Variants in LARS2 observed in about 807,000 individuals in gnomAD.
LARS2 encodes leucyl-tRNA synthetase 2, mitochondrial, also known as leucine--tRNA ligase, mitochondrial.
LARS2 carries 81 observed loss-of-function variants against 116.6 expected under a neutral mutation model. The ratio of observed to expected loss-of-function variants is 0.69; its 90% CI spans 0.58 to 0.84. The LOEUF is 0.84. Among genes scored for constraint, LARS2 ranks in the 40% least tolerant of loss-of-function variants. LARS2 has a pLI of 0.00. For missense variants in LARS2, 968 were observed against 1,114.5 expected, an observed-to-expected ratio of 0.87 and a Z score of 1.87; for synonymous variants, 396 against 407.2, an observed-to-expected ratio of 0.97 and a Z score of 0.33.
At chr3:45,490,029 T>C (rs1699887087) in intron 12 of LARS2, among the ~76,000 whole-genome samples, 1 of 152,204 alleles carries the variant, frequency 6.6e-6, no homozygotes, top group South Asian at 2.1e-4. Context: ...TATTTATATC[T>C]ATAGAATAAA....
At chr3:45,417,598 A>G in intron 5 of LARS2, 25 bp downstream of exon 5, 2 of 1,554,596 alleles carry the variant, frequency 1.3e-6, no homozygotes, top group African/African-American at 1.4e-5. Flanking sequence ...GCATATTCAA[A>G]TACTTGCATA....
intron 8 of LARS2, among the ~76,000 whole-genome samples, chr3:45,472,442 G>T (rs1197395789): frequency 6.6e-6 from 1 of 152,136 alleles, no homozygotes; most frequent in East Asian, 1.9e-4. Flanking sequence ...TGAGTGATAT[G>T]GGGCAGATTG....
intron 6 of LARS2, among the ~76,000 whole-genome samples, chr3:45,440,450 A>G (rs925858955): frequency 6.6e-6 from 1 of 151,938 alleles, no homozygotes; most frequent in Non-Finnish European, 1.5e-5. Flanking sequence ...GGAGGCTCAC[A>G]ATGAGACTTG....
chr3:45,469,641 G>A (rs1470395083), intron 8 of LARS2, among the ~76,000 whole-genome samples: 1 of 152,092 alleles, frequency 6.6e-6, no homozygotes, highest in Admixed American at 6.6e-5. Flanking sequence ...ACTGTGCCCG[G>A]CCGGGTTTTT....
chr3:45,491,697 C>T lies in LARS2; in HGVS notation c.1420C>T (p.Leu474=). 6.2e-7 allele frequency: 1 copy of T among 1,614,068 alleles called. No homozygotes were observed. Among genetic ancestry groups the T allele is most frequent in the Non-Finnish European group, 8.5e-7 (1 of 1,179,908 alleles). Reference sequence around the variant, plus strand: ...AGTCTGTGGCCCCACACCTGTGCCCCTGGAGGACTTGCCTGTGACCCTGCC... The same window carrying T: ...AGTCTGTGGCCCCACACCTGTGCCCTTGGAGGACTTGCCTGTGACCCTGCC... The part of the protein sequence containing the change: ...CPVCGPTPVP[L]EDLPVTLPNI... The change falls in exon 13 of 22, where the codon CTG becomes TTG. Residue 474 remains leucine, a synonymous_variant. Transcript: ENST00000645846.
At position 45,433,569 on chromosome 3, in the gene LARS2, C is replaced by T. The variant is rs188418882; in HGVS notation, c.517-13322C>T. On this transcript the variant is annotated intron_variant, in intron 6 of 21. Coordinates refer to ENST00000645846, the MANE Select transcript of LARS2 (RefSeq NM_015340.4). ...TTTGTAACAATTGTTTTAAATGTTT[C>T]CTCTATATACATTGAAATCCACATA... Among the ~76,000 whole-genome samples, 85 of 152,202 alleles carry T rather than the reference C, an allele frequency of 5.6e-4. 1 individual carries two copies. The highest frequency in any genetic ancestry group is 1.9e-3 in the African/African-American group (81 of 41,548).
intron 15 of LARS2, among the ~76,000 whole-genome samples, chr3:45,505,701 G>A (rs1261713829): frequency 6.6e-6 from 1 of 151,822 alleles, no homozygotes; most frequent in Non-Finnish European, 1.5e-5. Context: ...AAAAAAAGTT[G>A]GGGGAATAGC....
At chr3:45,421,066 T>C (rs1367997197) in intron 6 of LARS2, 1 of 152,158 alleles carries the variant, frequency 6.6e-6, no homozygotes, top group African/African-American at 2.4e-5. Context: ...AAAGTGACTT[T>C]TATAGCTGAG....
rs554645179 is a variant in LARS2 at position 45,547,624 on chromosome 3, A to C, written c.*94A>C. The C allele has an allele frequency of 9.2e-6, 11 of 1,192,228 alleles. No homozygotes were observed. The East Asian group carries it at 2.6e-4, about 28-fold the overall frequency. The allele number at this position is 1,192,228 out of a possible 1,614,324, so 73.9% of individuals were successfully genotyped here. A position where few individuals can be genotyped will look rare whatever the true frequency, so the allele number is the denominator to read the frequency against. The stretch of plus-strand genomic sequence containing the variant: ...GATGTCTGCTGGCCCAGGGGAAGGG[A>C]AAAGACAAATGTCTTGACTGTTGAC... On this transcript the variant is annotated 3_prime_UTR_variant, in exon 22 of 22. Coordinates refer to ENST00000645846, the MANE Select transcript of LARS2 (RefSeq NM_015340.4).
intron 21 of LARS2, among the ~76,000 whole-genome samples, chr3:45,542,728 C>T (rs1428711985): frequency 1.3e-5 from 2 of 152,202 alleles, no homozygotes; most frequent in Non-Finnish European, 2.9e-5. Context: ...GACTCAGCCT[C>T]AGTGAAGTTG....
At chr3:45,418,532 A>G (rs1055039223) in intron 5 of LARS2, among the ~76,000 whole-genome samples, 3 of 152,348 alleles carry the variant, frequency 2.0e-5, no homozygotes, top group African/African-American at 7.2e-5. Context: ...TATAAGGTAG[A>G]CCAGGAGTTG....
At chr3:45,417,625 AT>A (rs1051234864) in intron 5 of LARS2, 52 bp downstream of exon 5, 11 of 1,395,102 alleles carry the variant, frequency 7.9e-6, no homozygotes, top group Non-Finnish European at 1.0e-5. Context: ...CCTTTAAAAA[AT>A]TTTTTTAACC....
intron 18 of LARS2, among the ~76,000 whole-genome samples, chr3:45,518,885 G>A (rs1700410770): frequency 1.3e-5 from 2 of 152,066 alleles, no homozygotes; most frequent in African/African-American, 4.8e-5. Context: ...CTTATTTGTT[G>A]ACACTTCTTC....
intron 6 of LARS2, among the ~76,000 whole-genome samples, chr3:45,433,768 C>G (rs1275755239): frequency 2.0e-5 from 3 of 152,064 alleles, no homozygotes; most frequent in Non-Finnish European, 2.9e-5. Context: ...TTTAGCCATT[C>G]CTTTAGAGTA....
At chr3:45,543,619 A>G (rs1308051271) in intron 21 of LARS2, among the ~76,000 whole-genome samples, 25 of 151,828 alleles carry the variant, frequency 1.6e-4, no homozygotes, top group Non-Finnish European at 1.5e-5. Flanking sequence ...ATGTGCTACC[A>G]TGCCCAGCTA....
chr3:45,499,991 T>TTGTTTGTTTGTTTGTC (rs1471903257), intron 14 of LARS2, among the ~76,000 whole-genome samples: 9 of 152,132 alleles, frequency 5.9e-5, no homozygotes, highest in Non-Finnish European at 1.2e-4. Flanking sequence ...GTTTGTTTGT[T>TTGTTTGTTTGTTTGTC]TGTTTGTTTG....
chr3:45,418,457 C>G (rs1698464788), intron 5 of LARS2, among the ~76,000 whole-genome samples: 3 of 152,030 alleles, frequency 2.0e-5, no homozygotes, highest in Admixed American at 6.6e-5. Flanking sequence ...TAGATTTTAT[C>G]TAGTGATAAA....
chr3:45,448,243 C>T (rs140569760), intron 7 of LARS2, among the ~76,000 whole-genome samples: 247 of 152,238 alleles, frequency 1.6e-3, no homozygotes, highest in African/African-American at 3.6e-3. Context: ...TTGACTAAAA[C>T]GAGATAGTGT....
chr3:45,481,388 A>G (rs1249909056), intron 10 of LARS2, among the ~76,000 whole-genome samples: 2 of 152,236 alleles, frequency 1.3e-5, no homozygotes, highest in Non-Finnish European at 2.9e-5. Flanking sequence ...ACCTAGGGGT[A>G]GAATTGCTGG....
Sources: gnomAD v4.1 joint callset for allele counts (sites outside exome capture counted in the v4.1 genomes callset) on GRCh38, gnomAD v4.1.1 for gene constraint, MANE v1.5 for transcripts, NCBI Gene and HGNC (gene_info 2026-07-23, HGNC 2026-07-21) for gene names.